The following ERICH3 variants were observed in gnomAD, a reference collection of about 807,000 sequenced individuals.
The protein encoded by ERICH3 is glutamate-rich protein 3.
A neutral mutation model predicts 131.1 loss-of-function variants in ERICH3; 126 were observed. The observed-to-expected ratio is 0.96, with a 90% CI of 0.83 to 1.11. The LOEUF is 1.11. Ranked by LOEUF, ERICH3 falls within the 50% of genes most tolerant of loss-of-function variation. The pLI is 0.00. For synonymous variants in ERICH3, 695 were observed against 644.6 expected (o/e 1.08, Z -1.18); for missense variants, 2,050 against 1,810.7 (o/e 1.13, Z -2.40).
chr1:74,571,673 C>T lies in ERICH3; in HGVS notation c.4037G>A (p.Gly1346Asp), dbSNP rs1017213706. ...TGCGGCTGTTTCTGCCGTTTCACCACCTCCGTGTAGAACTTCCACAGCCAC... is the reference window on the plus strand; with the variant it reads ...TGCGGCTGTTTCTGCCGTTTCACCATCTCCGTGTAGAACTTCCACAGCCAC... ...RVVAVEVLHG[G>D]GETAETAAEE... is the part of the protein sequence containing the mutation. The change falls in exon 14 of 15, where the codon GGT becomes GAT. Residue 1346 changes from glycine (G) to aspartate (D), a missense_variant. Physicochemically the swap from Gly to Asp is moderately conservative, Grantham distance 94 (BLOSUM62 -1). Transcript: ENST00000326665. The T allele has an allele frequency of 6.8e-6, 11 of 1,614,188 alleles. No homozygotes were observed. Among genetic ancestry groups the T allele is most frequent in the Non-Finnish European group, 9.3e-6 (11 of 1,180,026 alleles).
chr1:74,614,283 G>T (rs933940003), intron 8 of ERICH3, among the ~76,000 whole-genome samples: 1 of 150,836 alleles, frequency 6.6e-6, no homozygotes, highest in African/African-American at 2.4e-5. Context: ...GGCATAGAAG[G>T]CTCCCCCAAA....
chr1:74,635,554 A>G (rs1370224036), intron 6 of ERICH3, among the ~76,000 whole-genome samples: 3 of 152,110 alleles, frequency 2.0e-5, no homozygotes, highest in Non-Finnish European at 4.4e-5. Context: ...CATAATGACA[A>G]TTGTACTCAT....
chr1:74,577,020 C>T (rs1647071392), intron 12 of ERICH3, 84 bp from the exon 13 acceptor site: 1 of 1,260,708 alleles, frequency 7.9e-7, no homozygotes, highest in Non-Finnish European at 1.1e-6. Flanking sequence ...CCAGTTGGGT[C>T]AGTTAAGGCA....
intron 9 of ERICH3, among the ~76,000 whole-genome samples, chr1:74,610,434 T>C (rs377608635): frequency 6.7e-6 from 1 of 149,592 alleles, no homozygotes; most frequent in East Asian, 2.0e-4. Context: ...CATACAAGAA[T>C]GTTCCTCCTC....
rs746089441 is a variant in ERICH3 at position 74,636,278 on chromosome 1, AC to A, written c.603+1del. 6.3e-7 allele frequency: 1 copy of A among 1,592,668 alleles called. No individual in the cohort carries two copies. The highest frequency in any genetic ancestry group is 1.2e-5 in the South Asian group (1 of 85,976). On this transcript the variant is annotated splice_donor_variant, in intron 6 of 14. Coordinates refer to ENST00000326665, the MANE Select transcript of ERICH3 (RefSeq NM_001002912.5). LOFTEE classifies it high-confidence loss of function. ...ATATTTATTGATAAAAATAACATTT[AC>A]CCCAATGGGAAACAGAGCTTCATTT...
At chr1:74,581,031 T>C (rs955295483) in intron 12 of ERICH3, among the ~76,000 whole-genome samples, 1 of 152,208 alleles carries the variant, frequency 6.6e-6, no homozygotes, top group African/African-American at 2.4e-5. Flanking sequence ...CAGAGTTTGT[T>C]TTCCTGTATA....
At chr1:74,642,216 T>G (rs1195521255) in intron 4 of ERICH3, among the ~76,000 whole-genome samples, 1 of 152,166 alleles carries the variant, frequency 6.6e-6, no homozygotes, top group Non-Finnish European at 1.5e-5. Context: ...GTAACAAAAT[T>G]ATCTTCTCAC....
At position 74,641,349 on chromosome 1, in the gene ERICH3, A is replaced by G. The variant is rs376729169; in HGVS notation, c.426T>C (p.His142=). ...RGHSVLVDEG[H]SSPLALTAPR... ...TACTCACCAGTGCTAACGGACTGGA[A>G]TGTCCTTCATCAACCAGAACACTAT... The change falls in exon 5 of 15, where the codon CAT becomes CAC. Residue 142 remains histidine (H), a synonymous_variant. Coordinates refer to ENST00000326665, the MANE Select transcript of ERICH3 (RefSeq NM_001002912.5). The G allele has an allele frequency of 1.9e-6, 3 of 1,612,738 alleles. No homozygotes were observed. Among genetic ancestry groups the G allele is most frequent in the Non-Finnish European group, 2.5e-6 (3 of 1,179,272 alleles).
intron 10 of ERICH3, among the ~76,000 whole-genome samples, chr1:74,601,576 G>A (rs1224088796): frequency 6.6e-6 from 1 of 151,840 alleles, no homozygotes; most frequent in Non-Finnish European, 1.5e-5. Flanking sequence ...TGTAATGAAA[G>A]GAGGATGGAA....
intron 8 of ERICH3, among the ~76,000 whole-genome samples, chr1:74,617,033 C>T (rs554533902): frequency 6.6e-6 from 1 of 151,900 alleles, no homozygotes; most frequent in South Asian, 2.1e-4. Flanking sequence ...CAGAGACTAC[C>T]CCAAGAGTCC....
rs1646893323 is a variant in ERICH3, at chr1:74,568,160, A to G, written c.*2298T>C. 6.6e-6 allele frequency: 1 copy of G among 152,160 alleles called. No individual in the cohort carries two copies. The highest frequency in any genetic ancestry group is 2.4e-5 in the African/African-American group (1 of 41,450). The allele number at this position is 152,160 out of a possible 1,614,324, so 9.4% of individuals were successfully genotyped here. ...ATGTTTTAATAATGAAGAAACAGGA[A>G]ACAAACCATTTCAGGGGAACATACA... On this transcript the variant is annotated 3_prime_UTR_variant, in exon 15 of 15. Coordinates refer to ENST00000326665, the MANE Select transcript of ERICH3 (RefSeq NM_001002912.5).
chr1:74,589,967 T>C lies in ERICH3; in HGVS notation c.1840A>G (p.Ser614Gly), dbSNP rs976772035. ...TCCTGAGAAGATGACCTTCTGGCAC[T>C]TTCATCTGTGCTGCTGTCAGTGTGG... ...EAHTDSSTDE[S>G]ARRSSSQELS... The change falls in exon 12 of 15, where the codon AGT (serine) becomes GGT (glycine). Residue 614 changes from serine to glycine, a missense_variant. Transcript: ENST00000326665. The C allele has an allele frequency of 6.2e-7, 1 of 1,614,060 alleles. No homozygotes were observed. Among genetic ancestry groups the C allele is most frequent in the Non-Finnish European group, 8.5e-7 (1 of 1,179,948 alleles).
chr1:74,605,651 A>G (rs1648350261), intron 10 of ERICH3, among the ~76,000 whole-genome samples: 1 of 151,746 alleles, frequency 6.6e-6, no homozygotes, highest in South Asian at 2.1e-4. Context: ...GAGACTGGAG[A>G]ACAGCTGGTC....
chr1:74,612,679 T>A lies in ERICH3; in HGVS notation c.1131A>T (p.Gly377=), dbSNP rs1231366295. ...CAAACCCAAAGTAGCCTCGTTTGCCTCCAAGCCTGGAACCTTTCCGATGCT... is the reference window on the plus strand; with the variant it reads ...CAAACCCAAAGTAGCCTCGTTTGCCACCAAGCCTGGAACCTTTCCGATGCT... ...EYKHRKGSRL[G]GKRGYFGFVC... is the part of the protein sequence containing the mutation. The change falls in exon 9 of 15, where the codon GGA becomes GGT. Residue 377 remains glycine, a synonymous_variant. Transcript: ENST00000326665. 2 of 1,596,304 alleles carry A rather than the reference T, an allele frequency of 1.3e-6. No homozygotes were observed. Among genetic ancestry groups the A allele is most frequent in the Non-Finnish European group, 1.7e-6 (2 of 1,166,804 alleles).
At position 74,652,836 on chromosome 1, in the gene ERICH3, T is replaced by C. The variant is rs115227322; in HGVS notation, c.24-3521A>G. Among the ~76,000 whole-genome samples, 1,191 of 152,270 alleles carry C rather than the reference T, an allele frequency of 7.8e-3. 11 individuals are homozygous for C. The highest frequency in any genetic ancestry group is 0.013 in the Non-Finnish European group (911 of 68,018). ...GACCAGTCTAACACGTTTGTTTCTT[T>C]ATGTGATGAACAAGACTATCTACCC... On this transcript the variant is annotated intron_variant, in intron 1 of 14. Coordinates refer to ENST00000326665, the MANE Select transcript of ERICH3 (RefSeq NM_001002912.5).
chr1:74,623,598 T>G (rs1490806969), intron 7 of ERICH3: 1 of 152,120 alleles, frequency 6.6e-6, no homozygotes, highest in Non-Finnish European at 1.5e-5. Context: ...GGGGCAGAAT[T>G]TTGAACTATT....
At chr1:74,583,006 C>T (rs1374646900) in intron 12 of ERICH3, among the ~76,000 whole-genome samples, 6 of 152,024 alleles carry the variant, frequency 3.9e-5, no homozygotes, top group Admixed American at 3.9e-4. Flanking sequence ...TTTACACATC[C>T]TCTAGGCCAT....
chr1:74,614,415 C>T (rs887281477), intron 8 of ERICH3, among the ~76,000 whole-genome samples: 2 of 149,566 alleles, frequency 1.3e-5, no homozygotes, highest in African/African-American at 4.9e-5. Context: ...TGGCTCACGC[C>T]TGTAATTCCA....
chr1:74,623,556 G>T (rs1649307099), intron 7 of ERICH3: 1 of 152,118 alleles, frequency 6.6e-6, no homozygotes, highest in South Asian at 2.1e-4. Flanking sequence ...AGTGAAAGAA[G>T]TGTTACTAAA....
Sources: gnomAD v4.1 joint callset for allele counts (sites outside exome capture counted in the v4.1 genomes callset) on GRCh38, gnomAD v4.1.1 for gene constraint, MANE v1.5 for transcripts, NCBI Gene and HGNC (gene_info 2026-07-23, HGNC 2026-07-21) for gene names.